The following BOP1 variants were observed in gnomAD, a reference collection of about 807,000 sequenced individuals.
The protein encoded by BOP1 is ribosome biogenesis protein BOP1.
BOP1 carries 54 observed loss-of-function variants against 82.9 expected under a neutral mutation model. The observed-to-expected ratio is 0.65, with a 90% CI of 0.52 to 0.82. The LOEUF is 0.82. Among genes scored for constraint, BOP1 ranks in the 40% least tolerant of loss-of-function variants. The pLI is 0.00. For missense variants in BOP1, 1,170 were observed against 1,072.0 expected, an observed-to-expected ratio of 1.09 and a Z score of -1.28; for synonymous variants, 566 against 451.1, an observed-to-expected ratio of 1.25 and a Z score of -3.23.
Position 144,290,349 on chromosome 8 carries a change from A to G in BOP1, c.99+923T>C, listed in dbSNP as rs868915829. 3.0e-4 allele frequency among the ~76,000 whole-genome samples: 45 copies of G among 151,962 alleles called. 1 individual carries two copies. The highest frequency in any genetic ancestry group is 1.0e-3 in the African/African-American group (43 of 41,474). ...GCCAGGCTCTGTCTCAAAAAAAAAA[A>G]AAAGAAAAAAGAAAGAAAAGGAAAA... On this transcript the variant is annotated intron_variant, in intron 1 of 15. Transcript: ENST00000569669.
intron 3 of BOP1, among the ~76,000 whole-genome samples, chr8:144,269,134 A>G (rs978923340): frequency 2.6e-5 from 4 of 152,098 alleles, no homozygotes; most frequent in Non-Finnish European, 5.9e-5. Context: ...GACCCCGCCC[A>G]CCACAGGAGG....
Position 144,262,179 on chromosome 8 carries a change from G to T in BOP1, c.2226C>A (p.Val742=). ...WVFSSGADGT[V]RLFT ...GGCAGAACAGCTAGGTGAAGAGGCG[G>T]ACAGTCCCGTCTGCCCCCGAGGAGA... Residue 742 remains valine, a synonymous_variant, in exon 16 of 16, where the codon GTC becomes GTA. Transcript: ENST00000569669. The T allele has an allele frequency of 6.2e-7, 1 of 1,612,572 alleles. No homozygotes were observed. The highest frequency in any genetic ancestry group is 1.1e-5 in the South Asian group (1 of 91,046).
intron 2 of BOP1, among the ~76,000 whole-genome samples, chr8:144,279,653 C>T (rs1554838693): frequency 2.0e-5 from 3 of 152,156 alleles, no homozygotes; most frequent in South Asian, 4.1e-4. Context: ...TGATTTTCAT[C>T]GCATCAAGAG....
At chr8:144,272,401 C>T (rs915586882) in intron 3 of BOP1, among the ~76,000 whole-genome samples, 2 of 152,162 alleles carry the variant, frequency 1.3e-5, no homozygotes, top group Non-Finnish European at 2.9e-5. Context: ...GGCCTTGGGA[C>T]GTACACCCAG....
intron 3 of BOP1, chr8:144,266,991 C>T: frequency 6.5e-7 from 1 of 1,548,420 alleles, no homozygotes; most frequent in Admixed American, 1.8e-5. Flanking sequence ...ACATCTCGCA[C>T]CTGGGCAACG....
chr8:144,269,346 C>T (rs1033223057), intron 3 of BOP1, among the ~76,000 whole-genome samples: 4 of 152,154 alleles, frequency 2.6e-5, no homozygotes, highest in African/African-American at 7.2e-5. Context: ...CAGGTGCGGG[C>T]GTCAGGGCGG....
chr8:144,262,473 G>A lies in BOP1; in HGVS notation c.2010C>T (p.Ala670=). ...RHHKKALRAV[A]FHPRYPLFAS... is the part of the protein sequence containing the mutation. Reference sequence around the variant, plus strand: ...CAAAGAGTGGGTACCGCGGGTGGAAGGCCACAGCCCGCAGAGCCTTCTTGT... The same window carrying A: ...CAAAGAGTGGGTACCGCGGGTGGAAAGCCACAGCCCGCAGAGCCTTCTTGT... Residue 670 remains alanine, a synonymous_variant, in exon 15 of 16, where the codon GCC becomes GCT. Coordinates refer to ENST00000569669, the MANE Select transcript of BOP1 (RefSeq NM_015201.5). The A allele has an allele frequency of 1.2e-6, 2 of 1,612,934 alleles. No individual in the cohort carries two copies. Among genetic ancestry groups the A allele is most frequent in the Non-Finnish European group, 8.5e-7 (1 of 1,179,834 alleles).
chr8:144,272,620 T>G (rs1845508929), intron 3 of BOP1, among the ~76,000 whole-genome samples: 1 of 151,872 alleles, frequency 6.6e-6, no homozygotes, highest in African/African-American at 2.4e-5. Context: ...TGGCCCCGAG[T>G]GGGCACAGCA....
At chr8:144,279,056 A>C (rs1289775371) in intron 2 of BOP1, among the ~76,000 whole-genome samples, 11 of 144,468 alleles carry the variant, frequency 7.6e-5, no homozygotes, top group African/African-American at 2.9e-4. Flanking sequence ...CTGCCACCAG[A>C]GGCCCCAAGA....
intron 2 of BOP1, among the ~76,000 whole-genome samples, chr8:144,284,797 T>C (rs766311296): frequency 2.0e-5 from 3 of 152,020 alleles, no homozygotes; most frequent in Non-Finnish European, 4.4e-5. Context: ...GGAGGCAGGG[T>C]CGTGTGCATG....
At position 144,280,535 on chromosome 8, in the gene BOP1, C is replaced by T. The variant is rs587728336; in HGVS notation, c.310-4231G>A. ...CTGCCCAAGAGTGTGCATTATGCTC[C>T]GGCACAGGCCAAACTCTCCTTAAAT... On this transcript the variant is annotated intron_variant, in intron 2 of 15. Transcript: ENST00000569669. Among the ~76,000 whole-genome samples, 18 of 152,346 alleles carry T rather than the reference C, an allele frequency of 1.2e-4. No individual in the cohort carries two copies. In the East Asian group the frequency reaches 1.5e-3, roughly 13 times the overall value.
At chr8:144,272,950 C>T (rs1363067304) in intron 3 of BOP1, among the ~76,000 whole-genome samples, 1 of 152,228 alleles carries the variant, frequency 6.6e-6, no homozygotes, top group African/African-American at 2.4e-5. Context: ...AGGGACCAGA[C>T]CCGAGGGCCA....
chr8:144,273,542 G>A (rs1845526361), intron 3 of BOP1, among the ~76,000 whole-genome samples: 1 of 152,242 alleles, frequency 6.6e-6, no homozygotes, highest in South Asian at 2.1e-4. Context: ...CACAGGCAGG[G>A]GGAGGGTGGG....
chr8:144,281,128 C>T (rs1845670785), intron 2 of BOP1, among the ~76,000 whole-genome samples: 2 of 137,250 alleles, frequency 1.5e-5, no homozygotes, highest in African/African-American at 5.3e-5. Context: ...AGTTTAATAC[C>T]AGGTCTTAGG....
In BOP1 at chr8:144,262,116, C is replaced by A; in HGVS notation, c.*48G>T. On this transcript the variant is annotated 3_prime_UTR_variant, in exon 16 of 16. Transcript: ENST00000569669. ...AGCACCAGGCAGCACAGGGTAAAGG[C>A]TCTGTTGACTTCAGCACGACCACCC... is the stretch of plus-strand genomic sequence containing the variant. 1 of 1,610,208 alleles carries A rather than the reference C, an allele frequency of 6.2e-7. No homozygotes were observed.
chr8:144,276,344 AG>A (rs1845567974), intron 2 of BOP1, 40 bp from the exon 3 acceptor site: 4 of 1,604,084 alleles, frequency 2.5e-6, no homozygotes, highest in Non-Finnish European at 3.4e-6. Context: ...CAGGGGATAC[AG>A]GGTACCCTTT....
chr8:144,262,252 T>C lies in BOP1; in HGVS notation c.2153A>G (p.Asp718Gly). The change falls in exon 16 of 16, where the codon GAT (aspartate) becomes GGT (glycine). Residue 718 changes from aspartate to glycine, a missense_variant. By Grantham distance (94) the Asp-to-Gly change is moderately conservative. Transcript: ENST00000569669. ...KVLKGHVLTR[D>G]LGVLDVIFHP... The stretch of plus-strand genomic sequence containing the variant: ...GAAGATGACGTCCAGCACTCCCAGA[T>C]CTCGGGTCAGCACGTGTCCCTTCAG... 1.9e-6 allele frequency: 3 copies of C among 1,612,662 alleles called. No individual in the cohort carries two copies. The highest frequency in any genetic ancestry group is 2.5e-6 in the Non-Finnish European group (3 of 1,179,764).
chr8:144,283,774 T>C (rs577552656), intron 2 of BOP1, among the ~76,000 whole-genome samples: 2 of 152,330 alleles, frequency 1.3e-5, no homozygotes, highest in East Asian at 1.9e-4. Flanking sequence ...GCTGCAGTAG[T>C]GCATGGCATC....
At chr8:144,262,810 C>A (rs1249629935) in intron 13 of BOP1, 43 bp downstream of exon 13, 43 of 623,268 alleles carry the variant, frequency 6.9e-5, no homozygotes, top group Non-Finnish European at 9.7e-5. Flanking sequence ...ACCGCCCCCC[C>A]CCCCACCCCT....
Sources: allele counts gnomAD v4.1 joint callset (sites outside exome capture counted in the v4.1 genomes callset), GRCh38; gene constraint gnomAD v4.1.1; transcripts MANE v1.5; gene names NCBI Gene and HGNC (gene_info 2026-07-23, HGNC 2026-07-21).